Variants in PSG2 observed in about 807,000 individuals in gnomAD.
PSG2 encodes pregnancy specific beta-1-glycoprotein 2.
A neutral mutation model predicts 36.2 loss-of-function variants in PSG2; 49 were observed. The ratio of observed to expected loss-of-function variants is 1.35; its 90% confidence interval spans 1.08 to 1.72. The LOEUF is 1.72. Ranked by LOEUF, PSG2 falls within the 40% of genes most tolerant of loss-of-function variation. The pLI is 0.00. For missense variants in PSG2, 605 were observed against 407.2 expected (o/e 1.49, Z -4.18); for synonymous variants, 261 against 155.6 (o/e 1.68, Z -5.04).
chr19:43,068,279 TA>T lies in PSG2; in HGVS notation c.965-1680del, dbSNP rs1334963153. Among the ~76,000 whole-genome samples the T allele has an allele frequency of 4.0e-5, 6 of 150,578 alleles. 1 individual carries two copies. The highest frequency in any genetic ancestry group is 1.5e-4 in the African/African-American group (6 of 40,668). On this transcript the variant is annotated intron_variant, in intron 4 of 5. Coordinates refer to ENST00000406487, the MANE Select transcript of PSG2 (RefSeq NM_031246.4). ...GGGAGACGCTGTGTGTACAAAAAAA[TA>T]AAAAACCAATTAGCTGGGCATGTTG...
At chr19:43,071,581 G>T in intron 4 of PSG2, 119 bp downstream of exon 4, 2 of 1,608,108 alleles carry the variant, frequency 1.2e-6, no homozygotes, top group Non-Finnish European at 1.7e-6. Context: ...GGAGAATTTG[G>T]GATTTGCTTT....
chr19:43,076,147 A>T (rs1282996286), intron 2 of PSG2, among the ~76,000 whole-genome samples: 3 of 151,660 alleles, frequency 2.0e-5, no homozygotes. Context: ...ACTTCAGCAT[A>T]AATAACACAG....
chr19:43,064,642 T>C (rs1451001703), intron 5 of PSG2, 41 bp from the exon 6 acceptor site: 2 of 586,064 alleles, frequency 3.4e-6, no homozygotes, highest in Non-Finnish European at 6.5e-6. Context: ...TGATTGTAAG[T>C]AGTTTGAGGA....
chr19:43,080,497 G>A (rs1419333054), intron 2 of PSG2, among the ~76,000 whole-genome samples: 1 of 151,706 alleles, frequency 6.6e-6, no homozygotes, highest in East Asian at 1.9e-4. Context: ...TGGAGGTTGA[G>A]GTTTCTAGGG....
intron 2 of PSG2, among the ~76,000 whole-genome samples, chr19:43,080,518 C>G (rs532666523): frequency 7.2e-5 from 11 of 151,826 alleles, no homozygotes; most frequent in Admixed American, 4.6e-4. Flanking sequence ...CTGAGCTTCT[C>G]TGAGAGTATC....
rs1249103019 is a variant in PSG2, at chr19:43,064,492, T to G, written c.*150A>C. 3 of 564,272 alleles carry G rather than the reference T, an allele frequency of 5.3e-6. No homozygotes were observed. The East Asian group carries it at 9.6e-5, about 18-fold the overall frequency. 35.0% of individuals were successfully genotyped at this position (564,272 alleles called of 1,614,324 possible). A position where few individuals can be genotyped will look rare whatever the true frequency, so the allele number is the denominator to read the frequency against. On this transcript the variant is annotated 3_prime_UTR_variant, in exon 6 of 6. Coordinates refer to ENST00000406487, the MANE Select transcript of PSG2 (RefSeq NM_031246.4). ...TTCTTTGTCTTGAATTTCATGAAGG[T>G]ATCAGCCTGTTCATTAAAATTTTGA...
chr19:43,067,363 T>C (rs548640459), intron 4 of PSG2, among the ~76,000 whole-genome samples: 3 of 151,324 alleles, frequency 2.0e-5, no homozygotes, highest in Non-Finnish European at 4.4e-5. Context: ...ATACCAGGCT[T>C]GATTCTTTGC....
intron 3 of PSG2, among the ~76,000 whole-genome samples, chr19:43,073,832 G>T (rs1260323113): frequency 4.0e-5 from 6 of 151,666 alleles, no homozygotes; most frequent in Non-Finnish European, 7.4e-5. Flanking sequence ...TCGGATTTCT[G>T]ACATTTTTTG....
Position 43,071,207 on chromosome 19 carries a change from A to C in PSG2, c.964+493T>G, listed in dbSNP as rs373119998. On this transcript the variant is annotated intron_variant, in intron 4 of 5. Transcript: ENST00000406487. Reference sequence around the variant, plus strand: ...GGAGTCAAACAGGGCCAGTCACCAGAGGAGCCCAGAGCAGAGCAGGAAGCA... The same window carrying C: ...GGAGTCAAACAGGGCCAGTCACCAGCGGAGCCCAGAGCAGAGCAGGAAGCA... Among the ~76,000 whole-genome samples, 120 of 151,764 alleles carry C rather than the reference A, an allele frequency of 7.9e-4. 4 individuals carry two copies. Among genetic ancestry groups the C allele is most frequent in the African/African-American group, 2.9e-3 (118 of 41,182 alleles).
intron 2 of PSG2, among the ~76,000 whole-genome samples, chr19:43,079,865 A>T (rs182111338): frequency 7.9e-5 from 12 of 151,692 alleles, no homozygotes; most frequent in Admixed American, 5.9e-4. Flanking sequence ...GAGGAGAGGA[A>T]GGGCCTGTGG....
rs71169213 is a variant in PSG2 at position 43,082,122 on chromosome 19, C to CTTTTTTTTTTTTT, written c.64+371_64+383dup. The CTTTTTTTTTTTTT allele has an allele frequency of 1.5e-4, 10 of 67,934 alleles. 1 individual carries two copies. The highest frequency in any genetic ancestry group is 1.6e-4 in the Non-Finnish European group (6 of 37,520). The allele number at this position is 67,934 out of a possible 1,614,324, so 4.2% of individuals were successfully genotyped here. A position where few individuals can be genotyped will look rare whatever the true frequency, so the allele number is the denominator to read the frequency against. On this transcript the variant is annotated intron_variant, in intron 1 of 5. Coordinates refer to ENST00000406487, the MANE Select transcript of PSG2 (RefSeq NM_031246.4). ...CTTTCCTTTTATTTCTTTCTTCTCT[C>CTTTTTTTTTTTTT]TTTTTTTTTTTTTTTTTTTTTTTTT...
intron 4 of PSG2, among the ~76,000 whole-genome samples, chr19:43,067,194 C>A (rs528989164): frequency 1.3e-5 from 2 of 151,530 alleles, no homozygotes; most frequent in Admixed American, 6.6e-5. Flanking sequence ...AAACTTCTTT[C>A]TCTTTGTTTT....
intron 4 of PSG2, among the ~76,000 whole-genome samples, chr19:43,067,481 G>T (rs973627265): frequency 6.6e-6 from 1 of 151,192 alleles, no homozygotes; most frequent in African/African-American, 2.5e-5. Flanking sequence ...GGTAGATACT[G>T]TTGAGGGGCA....
intron 2 of PSG2, among the ~76,000 whole-genome samples, chr19:43,078,138 G>C (rs1967923230): frequency 6.6e-6 from 1 of 151,814 alleles, no homozygotes; most frequent in African/African-American, 2.4e-5. Context: ...CTGGCATCTA[G>C]TCTCAGGCTG....
Position 43,075,339 on chromosome 19 carries a change from A to C in PSG2, c.709+15T>G, listed in dbSNP as rs369631994. ...GGATGGCAGTCTGGCCCACAGAGGA[A>C]CAGAAGATACTCACGGAGGAGATTC... On this transcript the variant is annotated intron_variant, in intron 3 of 5. Coordinates refer to ENST00000406487, the MANE Select transcript of PSG2 (RefSeq NM_031246.4). The C allele has an allele frequency of 1.2e-6, 2 of 1,613,160 alleles. No homozygotes were observed. Among genetic ancestry groups the C allele is most frequent in the African/African-American group, 1.3e-5 (1 of 74,644 alleles).
At chr19:43,070,835 A>T (rs192514866) in intron 4 of PSG2, among the ~76,000 whole-genome samples, 1 of 151,622 alleles carries the variant, frequency 6.6e-6, no homozygotes, top group African/African-American at 2.4e-5. Context: ...CTTATATTAG[A>T]TATATATAAA....
Position 43,081,205 on chromosome 19 carries a change from C to A in PSG2, c.106G>T (p.Val36Phe). 1.2e-6 allele frequency: 2 copies of A among 1,612,600 alleles called. No individual in the cohort carries two copies. Among genetic ancestry groups the A allele is most frequent in the Non-Finnish European group, 1.7e-6 (2 of 1,179,620 alleles). The change falls in exon 2 of 6, where the codon GTC becomes TTC. Residue 36 changes from valine to phenylalanine, a missense_variant. Coordinates refer to ENST00000406487, the MANE Select transcript of PSG2 (RefSeq NM_031246.4). ...NFWNLPTTAQ[V>F]TIEAQPPKVS... is the part of the protein sequence containing the mutation. Reference sequence around the variant, plus strand: ...TTTGGTGGCTGGGCTTCAATCGTGACTTGGGCAGTGGTGGGCAGGTTCCAG... The same window carrying A: ...TTTGGTGGCTGGGCTTCAATCGTGAATTGGGCAGTGGTGGGCAGGTTCCAG...
At chr19:43,065,549 T>C (rs534864619) in intron 5 of PSG2, 5 of 151,782 alleles carry the variant, frequency 3.3e-5, no homozygotes, top group South Asian at 2.1e-4. Flanking sequence ...TTTAGAAATG[T>C]TTTCCAGTGA....
At chr19:43,073,009 C>T (rs1210291113) in intron 3 of PSG2, among the ~76,000 whole-genome samples, 4 of 151,684 alleles carry the variant, frequency 2.6e-5, no homozygotes, top group Admixed American at 2.6e-4. Flanking sequence ...TTCCATCCTA[C>T]TTTGCCCCCC....
Sources: allele counts gnomAD v4.1 joint callset (sites outside exome capture counted in the v4.1 genomes callset), GRCh38; gene constraint gnomAD v4.1.1; transcripts MANE v1.5; gene names NCBI Gene and HGNC (gene_info 2026-07-23, HGNC 2026-07-21).